The following FLT1 variants were observed in gnomAD, a reference collection of about 807,000 sequenced individuals.
The protein encoded by FLT1 is vascular endothelial growth factor receptor 1.
FLT1 carries 49 observed loss-of-function variants against 156.3 expected under a neutral mutation model. The observed-to-expected ratio is 0.31, with a 90% CI of 0.25 to 0.40. The LOEUF (loss-of-function observed/expected upper bound fraction) is 0.40, where lower values mean the gene tolerates loss of function less well. Among genes scored for constraint, FLT1 ranks in the 10% least tolerant of loss-of-function variants. FLT1 has a pLI of 1.00. For synonymous variants in FLT1, 594 were observed against 583.8 expected, an observed-to-expected ratio of 1.02 and a Z score of -0.25; for missense variants, 1,322 against 1,637.2, an observed-to-expected ratio of 0.81 and a Z score of 3.32.
intron 1 of FLT1, among the ~76,000 whole-genome samples, chr13:28,481,105 T>A (rs1429173749): frequency 6.6e-6 from 1 of 152,212 alleles, no homozygotes; most frequent in Non-Finnish European, 1.5e-5. Flanking sequence ...ACCTAGTGAC[T>A]CGGGCTCTGT....
chr13:28,412,775 C>T (rs1251977389), intron 10 of FLT1, among the ~76,000 whole-genome samples: 8 of 120,532 alleles, frequency 6.6e-5, no homozygotes, highest in African/African-American at 1.7e-4. Context: ...CTCTCTCTGT[C>T]GCCCAGGCTG....
chr13:28,326,961 G>A (rs1168524010), intron 20 of FLT1, among the ~76,000 whole-genome samples: 1 of 152,232 alleles, frequency 6.6e-6, no homozygotes, highest in Admixed American at 6.5e-5. Context: ...CAGGAAGTAG[G>A]GGAAAGGGCA....
intron 23 of FLT1, 126 bp from the exon 24 acceptor site, chr13:28,319,660 T>A: frequency 1.5e-6 from 1 of 687,386 alleles, no homozygotes; most frequent in Non-Finnish European, 2.7e-6. Flanking sequence ...GCAGCTCTGG[T>A]TTCCTAACAT....
intron 3 of FLT1, among the ~76,000 whole-genome samples, chr13:28,453,499 A>T (rs1879098078): frequency 6.6e-6 from 1 of 152,178 alleles, no homozygotes; most frequent in South Asian, 2.1e-4. Context: ...TGAAAGTCTG[A>T]AGTCTTTTGC....
chr13:28,438,148 G>T, intron 4 of FLT1, 73 bp downstream of exon 4: 1 of 1,468,158 alleles, frequency 6.8e-7, no homozygotes, highest in Non-Finnish European at 9.5e-7. Context: ...ATTCCAGAAA[G>T]ATAGAACGAG....
At chr13:28,484,159 T>C (rs558547723) in intron 1 of FLT1, among the ~76,000 whole-genome samples, 1 of 152,324 alleles carries the variant, frequency 6.6e-6, no homozygotes, top group Admixed American at 6.5e-5. Context: ...ACAGTTAATG[T>C]CCTCCCCTAT....
intron 7 of FLT1, 138 bp downstream of exon 7, chr13:28,430,998 G>A (rs976670423): frequency 2.6e-6 from 2 of 759,058 alleles, no homozygotes; most frequent in Admixed American, 1.9e-5. Context: ...ACAGGGGGAG[G>A]AGGGAACCAT....
At chr13:28,421,281 C>G (rs549441191) in intron 10 of FLT1, among the ~76,000 whole-genome samples, 1 of 152,174 alleles carries the variant, frequency 6.6e-6, no homozygotes, top group African/African-American at 2.4e-5. Context: ...CTTAGAAAAC[C>G]CCCCATTTTA....
chr13:28,464,650 A>T (rs1879754981), intron 3 of FLT1, among the ~76,000 whole-genome samples: 1 of 152,218 alleles, frequency 6.6e-6, no homozygotes, highest in Non-Finnish European at 1.5e-5. Context: ...TTGACACTCA[A>T]AGTCATGATT....
chr13:28,405,918 A>T (rs1194249440), intron 10 of FLT1, 24 bp from the exon 11 acceptor site: 1 of 1,276,874 alleles, frequency 7.8e-7, no homozygotes, highest in East Asian at 2.3e-5. Context: ...AAGTTGTCAC[A>T]ATGTGGCTTT....
chr13:28,408,779 G>A (rs1012297746), intron 10 of FLT1, among the ~76,000 whole-genome samples: 1 of 152,116 alleles, frequency 6.6e-6, no homozygotes, highest in African/African-American at 2.4e-5. Flanking sequence ...TCAGCTCGGC[G>A]CTGTCCTCTC....
chr13:28,460,229 GCTCCCC>G (rs1879488839), intron 3 of FLT1, among the ~76,000 whole-genome samples: 1 of 152,164 alleles, frequency 6.6e-6, no homozygotes, highest in African/African-American at 2.4e-5. Flanking sequence ...CATGAATAGG[GCTCCCC>G]ATTAGGGGCT....
At chr13:28,486,715 A>G (rs1881189709) in intron 1 of FLT1, among the ~76,000 whole-genome samples, 1 of 152,248 alleles carries the variant, frequency 6.6e-6, no homozygotes, top group Non-Finnish European at 1.5e-5. Flanking sequence ...CATTGATTCA[A>G]TGCCCTGGCA....
At chr13:28,323,932 G>T (rs17086551) in intron 20 of FLT1, among the ~76,000 whole-genome samples, 1,842 of 152,222 alleles carry the variant, frequency 0.012, 45 homozygotes, top group African/African-American at 0.041. Flanking sequence ...TCCTAACAAG[G>T]GTAGCAATGG....
intron 4 of FLT1, among the ~76,000 whole-genome samples, chr13:28,436,070 T>C (rs1878006333): frequency 6.6e-6 from 1 of 152,244 alleles, no homozygotes; most frequent in East Asian, 1.9e-4. Flanking sequence ...GAAGTGTTTC[T>C]CTTACTCTCA....
intron 12 of FLT1, among the ~76,000 whole-genome samples, chr13:28,390,947 C>T (rs1190803447): frequency 1.3e-5 from 2 of 152,200 alleles, no homozygotes; most frequent in Non-Finnish European, 2.9e-5. Context: ...CCTCCTGCTC[C>T]TGTCCCAGAT....
intron 14 of FLT1, among the ~76,000 whole-genome samples, chr13:28,362,848 A>G (rs1485527437): frequency 6.6e-6 from 1 of 152,144 alleles, no homozygotes; most frequent in East Asian, 1.9e-4. Flanking sequence ...AGATGGGGTG[A>G]GAAGGTGTCC....
At chr13:28,490,934 T>C (rs1033930918) in intron 1 of FLT1, among the ~76,000 whole-genome samples, 4 of 152,228 alleles carry the variant, frequency 2.6e-5, no homozygotes, top group African/African-American at 4.8e-5. Flanking sequence ...GCATTTAACA[T>C]TCACGTGCCA....
intron 20 of FLT1, among the ~76,000 whole-genome samples, chr13:28,323,288 G>A (rs576280342): frequency 1.3e-5 from 2 of 152,276 alleles, no homozygotes; most frequent in East Asian, 1.9e-4. Context: ...ATTTTACGAA[G>A]TAGTTCTTAT....
Sources: allele counts gnomAD v4.1 joint callset (sites outside exome capture counted in the v4.1 genomes callset), GRCh38; gene constraint gnomAD v4.1.1; transcripts MANE v1.5; gene names NCBI Gene and HGNC (gene_info 2026-07-23, HGNC 2026-07-21).